The following COG5 variants were observed in gnomAD, a reference collection of about 807,000 sequenced individuals.
COG5 encodes conserved oligomeric Golgi complex subunit 5.
Under a neutral mutation model 110.4 loss-of-function variants are expected in COG5, and 86 were observed. The observed-to-expected ratio is 0.78, with a 90% CI of 0.65 to 0.93. COG5 has a LOEUF of 0.93. COG5 is among the 40% of genes least tolerant of loss of function. The pLI is 0.00. For missense variants in COG5, 1,077 were observed against 987.0 expected (o/e 1.09, Z -1.22); for synonymous variants, 360 against 334.6 (o/e 1.08, Z -0.83).
rs181020332 is a variant in COG5 at position 107,345,998 on chromosome 7, T to C, written c.1026+16035A>G. Among the ~76,000 whole-genome samples, 819 of 152,336 alleles carry C rather than the reference T, an allele frequency of 5.4e-3. 8 individuals carry two copies. The highest frequency in any genetic ancestry group is 0.019 in the African/African-American group (797 of 41,574). On this transcript the variant is annotated intron_variant, in intron 10 of 21. Transcript: ENST00000297135. ...TTAAGTATAATACTCATGCATTAAT[T>C]ATATAACAGAACCAATAATATCTTT... is the stretch of plus-strand genomic sequence containing the variant.
chr7:107,316,657 C>CAAAAAAAAAAAA (rs760555445), intron 11 of COG5, among the ~76,000 whole-genome samples: 16 of 75,848 alleles, frequency 2.1e-4, no homozygotes, highest in Admixed American at 4.8e-4. Context: ...ACTAAAAATA[C>CAAAAAAAAAAAA]AAAAAAAAAA....
At chr7:107,462,316 A>G (rs1796040931) in intron 6 of COG5, among the ~76,000 whole-genome samples, 1 of 152,182 alleles carries the variant, frequency 6.6e-6, no homozygotes, top group African/African-American at 2.4e-5. Flanking sequence ...ACACAAAGGG[A>G]ATTCATACCC....
intron 14 of COG5, among the ~76,000 whole-genome samples, chr7:107,268,089 C>G (rs1803947490): frequency 6.6e-6 from 1 of 152,110 alleles, no homozygotes; most frequent in South Asian, 2.1e-4. Flanking sequence ...CTGCCTCAGC[C>G]TCCTTAGTAG....
chr7:107,371,779 C>T (rs1265182212), intron 8 of COG5, among the ~76,000 whole-genome samples: 2 of 151,990 alleles, frequency 1.3e-5, no homozygotes, highest in African/African-American at 4.8e-5. Context: ...ACATTGTCAA[C>T]CTGGTAGAAA....
chr7:107,337,699 C>T (rs1810824496), intron 10 of COG5, among the ~76,000 whole-genome samples: 1 of 152,134 alleles, frequency 6.6e-6, no homozygotes, highest in African/African-American at 2.4e-5. Context: ...TGGCTAAAAA[C>T]ATACAGTTAG....
chr7:107,303,650 A>G (rs1807468323), intron 11 of COG5, among the ~76,000 whole-genome samples: 1 of 151,898 alleles, frequency 6.6e-6, no homozygotes, highest in African/African-American at 2.4e-5. Context: ...TCAAACTCCT[A>G]GGCTGGTCTC....
At chr7:107,248,563 T>A in intron 16 of COG5, 64 bp from the exon 17 acceptor site, 1 of 1,111,564 alleles carries the variant, frequency 9.0e-7, no homozygotes, top group Non-Finnish European at 1.3e-6. Context: ...CCCAAAGAAA[T>A]TTGAGATGTG....
At chr7:107,450,787 C>T (rs1563042640) in intron 6 of COG5, among the ~76,000 whole-genome samples, 1 of 152,200 alleles carries the variant, frequency 6.6e-6, no homozygotes, top group African/African-American at 2.4e-5. Flanking sequence ...AAGGCCTGGA[C>T]AACGAGAACA....
chr7:107,520,430 A>G (rs150608634), intron 6 of COG5, among the ~76,000 whole-genome samples: 1 of 152,228 alleles, frequency 6.6e-6, no homozygotes. Flanking sequence ...TAAATTGATA[A>G]GCAACTTCAG....
At chr7:107,333,793 T>A (rs1248889311) in intron 10 of COG5, among the ~76,000 whole-genome samples, 2 of 152,142 alleles carry the variant, frequency 1.3e-5, no homozygotes, top group Non-Finnish European at 2.9e-5. Context: ...AAATTCTGGA[T>A]GTAAAAATTT....
chr7:107,476,059 C>A (rs1796958700), intron 6 of COG5, among the ~76,000 whole-genome samples: 1 of 150,320 alleles, frequency 6.7e-6, no homozygotes, highest in Non-Finnish European at 1.5e-5. Flanking sequence ...GACAGTATGC[C>A]TATAATATAC....
intron 7 of COG5, among the ~76,000 whole-genome samples, chr7:107,376,706 TA>T (rs1814667274): frequency 6.6e-6 from 1 of 152,034 alleles, no homozygotes; most frequent in Non-Finnish European, 1.5e-5. Flanking sequence ...GTAGAAGAAA[TA>T]AGAGTGGTTT....
chr7:107,495,224 C>T (rs1554449194), intron 6 of COG5, among the ~76,000 whole-genome samples: 1 of 152,000 alleles, frequency 6.6e-6, no homozygotes, highest in African/African-American at 2.4e-5. Context: ...GGAAGAAACA[C>T]ACAAAGGAAA....
intron 7 of COG5, among the ~76,000 whole-genome samples, chr7:107,399,164 T>C (rs988191606): frequency 6.6e-6 from 1 of 152,040 alleles, no homozygotes; most frequent in Non-Finnish European, 1.5e-5. Flanking sequence ...ATCGTGCCAC[T>C]GCATTCCAAC....
chr7:107,515,368 T>TA (rs1194379599), intron 6 of COG5, among the ~76,000 whole-genome samples: 1 of 151,870 alleles, frequency 6.6e-6, no homozygotes, highest in African/African-American at 2.4e-5. Flanking sequence ...CCAAGAACAT[T>TA]AAAAAAAAGA....
intron 5 of COG5, among the ~76,000 whole-genome samples, chr7:107,533,373 A>G (rs529640656): frequency 6.6e-6 from 1 of 151,686 alleles, no homozygotes; most frequent in South Asian, 2.1e-4. Flanking sequence ...AACTCCTCCA[A>G]GCTACAGGAG....
At chr7:107,558,331 C>T (rs1246385038) in intron 1 of COG5, among the ~76,000 whole-genome samples, 4 of 152,196 alleles carry the variant, frequency 2.6e-5, no homozygotes, top group African/African-American at 9.6e-5. Context: ...GGCACACTGG[C>T]TCATGCCTGT....
chr7:107,360,273 A>T (rs1046214284), intron 10 of COG5, among the ~76,000 whole-genome samples: 39 of 152,320 alleles, frequency 2.6e-4, no homozygotes, highest in African/African-American at 9.1e-4. Flanking sequence ...CTGCTTGCAG[A>T]AAGGAGCTAC....
At chr7:107,543,740 G>A (rs753926407) in intron 5 of COG5, among the ~76,000 whole-genome samples, 1 of 152,146 alleles carries the variant, frequency 6.6e-6, no homozygotes, top group East Asian at 1.9e-4. Flanking sequence ...CACCAGGCCA[G>A]CACACAAGGA....
Sources: gnomAD v4.1 joint callset for allele counts (sites outside exome capture counted in the v4.1 genomes callset) on GRCh38, gnomAD v4.1.1 for gene constraint, MANE v1.5 for transcripts, NCBI Gene and HGNC (gene_info 2026-07-23, HGNC 2026-07-21) for gene names.